PRKAR1B: variants seen among roughly 807,000 people sequenced by gnomAD.
PRKAR1B encodes the protein protein kinase cAMP-dependent type I regulatory subunit beta.
In PRKAR1B, 22 loss-of-function variants were observed where a neutral mutation model predicts 46.5. That is an observed-to-expected ratio of 0.47 (90% CI 0.34 to 0.68). The LOEUF (loss-of-function observed/expected upper bound fraction) is 0.68, where lower values mean the gene tolerates loss of function less well. Ranked by LOEUF, PRKAR1B falls within the 30% of genes least tolerant of loss-of-function variation. PRKAR1B has a pLI of 0.01. For missense variants in PRKAR1B, 445 were observed against 535.6 expected (o/e 0.83, Z 1.67); for synonymous variants, 259 against 217.7 (o/e 1.19, Z -1.67).
At position 550,354 on chromosome 7, in the gene PRKAR1B, T is replaced by C; in HGVS notation, c.*76A>G. 4.2e-6 allele frequency: 6 copies of C among 1,417,066 alleles called. No individual in the cohort carries two copies. The highest frequency in any genetic ancestry group is 5.8e-6 in the Non-Finnish European group (6 of 1,030,910). The allele number at this position is 1,417,066 out of a possible 1,614,324, so 87.8% of individuals were successfully genotyped here. A position where few individuals can be genotyped will look rare whatever the true frequency, so the allele number is the denominator to read the frequency against. On this transcript the variant is annotated 3_prime_UTR_variant, in exon 11 of 11. Coordinates refer to ENST00000537384, the MANE Select transcript of PRKAR1B (RefSeq NM_001164760.2). ...CCCGGCCCACACCTCACACAGCGGC[T>C]CCCGGGCCCCCGACACAGACGAGCA...
At chr7:692,343 T>A (rs536756117) in intron 2 of PRKAR1B, among the ~76,000 whole-genome samples, 2 of 152,004 alleles carry the variant, frequency 1.3e-5, no homozygotes, top group Non-Finnish European at 2.9e-5. Flanking sequence ...GAGGTTGCAG[T>A]GAGCTGAGAT....
At chr7:552,965 G>T (rs1274015910) in intron 9 of PRKAR1B, among the ~76,000 whole-genome samples, 1 of 152,260 alleles carries the variant, frequency 6.6e-6, no homozygotes, top group Non-Finnish European at 1.5e-5. Context: ...GAGGCCGTGG[G>T]CAGCATATCA....
At chr7:723,845 G>A (rs941512951) in intron 1 of PRKAR1B, among the ~76,000 whole-genome samples, 1 of 152,160 alleles carries the variant, frequency 6.6e-6, no homozygotes, top group Non-Finnish European at 1.5e-5. Context: ...TGAGGCTGCC[G>A]TAACAAAGCA....
intron 4 of PRKAR1B, among the ~76,000 whole-genome samples, chr7:611,010 CGGGGG>C (rs1562561434): frequency 6.6e-6 from 1 of 152,200 alleles, no homozygotes; most frequent in East Asian, 1.9e-4. Context: ...GCCCTTCCTG[CGGGGG>C]CCGAGGGCAG....
intron 5 of PRKAR1B, among the ~76,000 whole-genome samples, chr7:607,024 GAC>G (rs1185450640): frequency 6.6e-6 from 1 of 152,056 alleles, no homozygotes; most frequent in Non-Finnish European, 1.5e-5. Context: ...TGAAATTTGA[GAC>G]AGAGTCTTAC....
intron 6 of PRKAR1B, among the ~76,000 whole-genome samples, chr7:597,385 CA>C (rs929553191): frequency 2.0e-5 from 3 of 152,196 alleles, no homozygotes; most frequent in African/African-American, 7.2e-5. Context: ...TTCGGAGGCA[CA>C]GGGGCGACTG....
intron 4 of PRKAR1B, among the ~76,000 whole-genome samples, chr7:622,929 G>A (rs62432165): frequency 0.56 from 85,121 of 151,918 alleles, 24,924 homozygotes; most frequent in South Asian, 0.81. Context: ...TGCTGCCCTC[G>A]CTGGGGAAGA....
At chr7:559,572 T>G (rs2128424388) in intron 9 of PRKAR1B, among the ~76,000 whole-genome samples, 2 of 152,194 alleles carry the variant, frequency 1.3e-5, no homozygotes, top group Admixed American at 1.3e-4. Context: ...GCTGTGCTCA[T>G]AGCCCAGACC....
intron 4 of PRKAR1B, among the ~76,000 whole-genome samples, chr7:624,323 T>C (rs1205627761): frequency 6.6e-6 from 1 of 152,110 alleles, no homozygotes; most frequent in African/African-American, 2.4e-5. Flanking sequence ...ATCCCAGCTA[T>C]TCAGGAGACT....
intron 1 of PRKAR1B, chr7:727,006 G>A: frequency 8.1e-7 from 1 of 1,241,008 alleles, no homozygotes; most frequent in Non-Finnish European, 1.0e-6. Context: ...CCGCGCGCTG[G>A]CAGTGCACCT....
chr7:557,887 C>A, intron 9 of PRKAR1B, among the ~76,000 whole-genome samples: 1 of 152,116 alleles, frequency 6.6e-6, no homozygotes, highest in East Asian at 1.9e-4. Flanking sequence ...GATTCTAACC[C>A]GACTCTAAAA....
At chr7:619,260 G>C (rs1279171390) in intron 4 of PRKAR1B, among the ~76,000 whole-genome samples, 1 of 152,164 alleles carries the variant, frequency 6.6e-6, no homozygotes, top group Non-Finnish European at 1.5e-5. Flanking sequence ...AGCCCTCAGG[G>C]GGAACCAGCC....
At chr7:708,085 C>T (rs186415288) in intron 2 of PRKAR1B, among the ~76,000 whole-genome samples, 121 of 151,420 alleles carry the variant, frequency 8.0e-4, no homozygotes, top group Admixed American at 2.2e-3. Flanking sequence ...CATCCCAATA[C>T]ACCTCAATCT....
intron 3 of PRKAR1B, among the ~76,000 whole-genome samples, chr7:680,080 C>A (rs997136885): frequency 3.3e-5 from 5 of 151,412 alleles, no homozygotes; most frequent in Admixed American, 3.3e-4. Flanking sequence ...ATGGCATGAA[C>A]CTGGGAGGCG....
At chr7:551,160 G>A (rs1232654804) in intron 10 of PRKAR1B, among the ~76,000 whole-genome samples, 1 of 152,146 alleles carries the variant, frequency 6.6e-6, no homozygotes, top group African/African-American at 2.4e-5. Flanking sequence ...GCCCTCTGGG[G>A]GACCCCACGT....
chr7:684,313 C>T (rs555984710), intron 2 of PRKAR1B, among the ~76,000 whole-genome samples: 104 of 152,306 alleles, frequency 6.8e-4, no homozygotes, highest in Non-Finnish European at 1.2e-3. Flanking sequence ...AAGCTTTATG[C>T]GATCATTTAA....
At chr7:586,355 G>A (rs1780596296) in intron 7 of PRKAR1B, among the ~76,000 whole-genome samples, 1 of 152,216 alleles carries the variant, frequency 6.6e-6, no homozygotes, top group African/African-American at 2.4e-5. Flanking sequence ...GATGAATAGG[G>A]CTGACGGATC....
At chr7:723,993 T>C (rs566152354) in intron 1 of PRKAR1B, among the ~76,000 whole-genome samples, 1 of 152,360 alleles carries the variant, frequency 6.6e-6, no homozygotes, top group Admixed American at 6.5e-5. Context: ...TCTCCTTTTA[T>C]GAGGACAGCA....
chr7:550,828 T>C (rs763160013), intron 10 of PRKAR1B, among the ~76,000 whole-genome samples: 9 of 152,204 alleles, frequency 5.9e-5, no homozygotes, highest in African/African-American at 9.7e-5. Context: ...CAGCTAGCCA[T>C]TGTCCTGCAC....
Sources: allele counts gnomAD v4.1 joint callset (sites outside exome capture counted in the v4.1 genomes callset), GRCh38; gene constraint gnomAD v4.1.1; transcripts MANE v1.5; gene names NCBI Gene and HGNC (gene_info 2026-07-23, HGNC 2026-07-21).